EYS: variants seen among roughly 807,000 people sequenced by gnomAD.
The protein encoded by EYS is protein eyes shut homolog.
EYS carries 250 observed loss-of-function variants against 282.1 expected under a neutral mutation model. That is an observed-to-expected ratio of 0.89 (90% CI 0.80 to 0.98). EYS has a LOEUF of 0.98. Ranked by LOEUF, EYS falls within the 50% of genes least tolerant of loss-of-function variation. EYS has a pLI of 0.00. For missense variants in EYS, 4,016 were observed against 3,709.0 expected (o/e 1.08, Z -2.15); for synonymous variants, 1,355 against 1,282.9 (o/e 1.06, Z -1.20).
Position 63,747,791 on chromosome 6 carries a change from C to T in EYS, c.8071+14670G>A, listed in dbSNP as rs533796479. ...GCAACCTCTGCTTATTTTTGCTTTC[C>T]ATTTGCTTGGTAAATGTTCCTTCAT... On this transcript the variant is annotated intron_variant, in intron 41 of 42. Transcript: ENST00000503581. Among the ~76,000 whole-genome samples, 40 of 152,000 alleles carry T rather than the reference C, an allele frequency of 2.6e-4. No homozygotes were observed. The South Asian group carries it at 3.9e-3, about 15-fold the overall frequency.
At chr6:64,477,924 T>C (rs1776322811) in intron 26 of EYS, among the ~76,000 whole-genome samples, 1 of 152,130 alleles carries the variant, frequency 6.6e-6, no homozygotes, top group African/African-American at 2.4e-5. Flanking sequence ...CAATCCATAG[T>C]CTTTCCATCT....
chr6:65,274,217 G>C (rs1767979713), intron 12 of EYS, among the ~76,000 whole-genome samples: 1 of 152,126 alleles, frequency 6.6e-6, no homozygotes, highest in African/African-American at 2.4e-5. Flanking sequence ...CTCTAACCAG[G>C]AAAACTGTAA....
intron 12 of EYS, among the ~76,000 whole-genome samples, chr6:65,118,710 A>T (rs931451808): frequency 6.6e-6 from 1 of 152,216 alleles, no homozygotes; most frequent in Non-Finnish European, 1.5e-5. Flanking sequence ...TTGGAAAGCC[A>T]CAAGAGAGTT....
At chr6:65,076,358 G>C (rs1310705768) in intron 12 of EYS, among the ~76,000 whole-genome samples, 1 of 151,790 alleles carries the variant, frequency 6.6e-6, no homozygotes, top group Non-Finnish European at 1.5e-5. Context: ...CAATGACATG[G>C]CAAAATAATC....
intron 26 of EYS, among the ~76,000 whole-genome samples, chr6:64,475,304 C>CAAT (rs1776227118): frequency 1.4e-5 from 1 of 71,204 alleles, no homozygotes; most frequent in Non-Finnish European, 3.3e-5. Context: ...GTAATCCCAG[C>CAAT]ACTTTGGGAG....
intron 36 of EYS, among the ~76,000 whole-genome samples, chr6:63,824,965 T>A (rs1771419858): frequency 6.6e-6 from 1 of 152,190 alleles, no homozygotes. Flanking sequence ...GGGGAAGAAC[T>A]AAAGCCCTTT....
At chr6:63,974,929 A>G (rs1766760191) in intron 35 of EYS, among the ~76,000 whole-genome samples, 1 of 152,102 alleles carries the variant, frequency 6.6e-6, no homozygotes, top group Admixed American at 6.6e-5. Flanking sequence ...GTACTTTACC[A>G]TAGAGCTGGT....
intron 35 of EYS, among the ~76,000 whole-genome samples, chr6:63,912,244 T>A (rs1301380116): frequency 6.6e-6 from 1 of 152,192 alleles, no homozygotes; most frequent in Non-Finnish European, 1.5e-5. Flanking sequence ...TCCATGTTGC[T>A]AGGATTTTTC....
intron 26 of EYS, among the ~76,000 whole-genome samples, chr6:64,514,133 G>A (rs902337946): frequency 6.6e-6 from 1 of 151,674 alleles, no homozygotes; most frequent in South Asian, 2.1e-4. Flanking sequence ...ATGGCTCATT[G>A]TCTGAGCTCC....
chr6:65,328,385 T>C (rs1769683701), intron 11 of EYS, among the ~76,000 whole-genome samples: 1 of 151,400 alleles, frequency 6.6e-6, no homozygotes, highest in Non-Finnish European at 1.5e-5. Context: ...AATTAATAAA[T>C]TCAAATAAAT....
intron 33 of EYS, among the ~76,000 whole-genome samples, chr6:64,056,468 T>C (rs1770988790): frequency 6.6e-6 from 1 of 152,196 alleles, no homozygotes; most frequent in Non-Finnish European, 1.5e-5. Context: ...ATTCCTACAT[T>C]TCCTATTCTA....
intron 15 of EYS, among the ~76,000 whole-genome samples, chr6:64,915,313 A>G (rs1040630270): frequency 4.6e-5 from 7 of 152,148 alleles, no homozygotes; most frequent in Non-Finnish European, 1.0e-4. Context: ...TGCCTCCACC[A>G]TTAAACTTCT....
chr6:64,735,534 G>T (rs1218750378), intron 22 of EYS, among the ~76,000 whole-genome samples: 1 of 152,042 alleles, frequency 6.6e-6, no homozygotes, highest in African/African-American at 2.4e-5. Flanking sequence ...GAAAAAAATT[G>T]TATAACTTAT....
chr6:65,071,625 A>G (rs1480523153), intron 12 of EYS, among the ~76,000 whole-genome samples: 1 of 151,890 alleles, frequency 6.6e-6, no homozygotes, highest in Admixed American at 6.6e-5. Context: ...ACAAGAACCA[A>G]GAACAATGTG....
intron 5 of EYS, among the ~76,000 whole-genome samples, chr6:65,439,662 G>T (rs1369817895): frequency 6.6e-6 from 1 of 152,004 alleles, no homozygotes; most frequent in Non-Finnish European, 1.5e-5. Flanking sequence ...TCTGTTATTG[G>T]TGTATAAGAA....
At chr6:64,228,659 A>T (rs1355408584) in intron 31 of EYS, among the ~76,000 whole-genome samples, 1 of 152,188 alleles carries the variant, frequency 6.6e-6, no homozygotes, top group African/African-American at 2.4e-5. Context: ...AGAAGTATAA[A>T]ATGATTAATA....
In EYS at chr6:64,151,782, AG is replaced by A. The variant is rs750323201; in HGVS notation, c.6425-69781del. Reference sequence around the variant, plus strand: ...AAACTGTAGAAGCAGTAATATTTGGAGGTGACTCTGGAGAAGAATGAGGACT... The same window carrying A: ...AAACTGTAGAAGCAGTAATATTTGGAGTGACTCTGGAGAAGAATGAGGACT... On this transcript the variant is annotated intron_variant, in intron 31 of 42. Transcript: ENST00000503581. Among the ~76,000 whole-genome samples the A allele has an allele frequency of 7.2e-5, 11 of 152,314 alleles. No individual in the cohort carries two copies. The East Asian group carries it at 1.9e-3, about 27-fold the overall frequency.
At chr6:63,969,839 G>GTCTC (rs1299418436) in intron 35 of EYS, among the ~76,000 whole-genome samples, 1 of 151,988 alleles carries the variant, frequency 6.6e-6, no homozygotes, top group Non-Finnish European at 1.5e-5. Context: ...CTCTGTTGTA[G>GTCTC]TCTCTCTCTC....
At chr6:64,674,411 AT>A (rs1562126591) in intron 22 of EYS, among the ~76,000 whole-genome samples, 1 of 148,554 alleles carries the variant, frequency 6.7e-6, no homozygotes, top group Admixed American at 6.8e-5. Context: ...ACTTTATTTT[AT>A]AAGTCAGGAT....
Sources: gnomAD v4.1 joint callset for allele counts (sites outside exome capture counted in the v4.1 genomes callset) on GRCh38, gnomAD v4.1.1 for gene constraint, MANE v1.5 for transcripts, NCBI Gene and HGNC (gene_info 2026-07-23, HGNC 2026-07-21) for gene names.